The following MTFR1 variants were observed in gnomAD, a reference collection of about 807,000 sequenced individuals.
The protein encoded by MTFR1 is chondrocyte protein with a poly-proline region.
In MTFR1, 28 loss-of-function variants were observed where a neutral mutation model predicts 38.8. That is an observed-to-expected ratio of 0.72 (90% CI 0.53 to 0.99). MTFR1 has a LOEUF of 0.99. Among genes scored for constraint, MTFR1 ranks in the 50% least tolerant of loss-of-function variants. The pLI, the probability that MTFR1 is intolerant of heterozygous loss-of-function variation, is 0.00. For missense variants in MTFR1, 358 were observed against 395.5 expected (o/e 0.91, Z 0.81); for synonymous variants, 145 against 137.0 (o/e 1.06, Z -0.41).
chr8:65,649,489 T>G (rs1002725290), intron 1 of MTFR1, among the ~76,000 whole-genome samples: 2 of 152,120 alleles, frequency 1.3e-5, no homozygotes, highest in African/African-American at 4.8e-5. Flanking sequence ...TGGCCCATTT[T>G]ATCTTTATTT....
chr8:65,662,743 C>T (rs1285570305), intron 1 of MTFR1, among the ~76,000 whole-genome samples: 2 of 137,312 alleles, frequency 1.5e-5, no homozygotes, highest in Non-Finnish European at 3.3e-5. Context: ...CCCCTCCGCC[C>T]GGCAGCCACC....
At chr8:65,702,122 A>G (rs1369522445) in intron 4 of MTFR1, among the ~76,000 whole-genome samples, 1 of 152,110 alleles carries the variant, frequency 6.6e-6, no homozygotes, top group East Asian at 1.9e-4. Context: ...AGGGAATCCC[A>G]CTAGTTTTCT....
At chr8:65,663,822 C>CTTTTTTTTTTT (rs1035579864) in intron 1 of MTFR1, among the ~76,000 whole-genome samples, 1 of 78,574 alleles carries the variant, frequency 1.3e-5, no homozygotes, top group African/African-American at 4.7e-5. Flanking sequence ...AATTTCTTTT[C>CTTTTTTTTTTT]TTTTTTTTTT....
At chr8:65,774,503 T>G (rs1381857361), downstream of MTFR1, among the ~76,000 whole-genome samples, 1 of 152,054 alleles carries the variant, frequency 6.6e-6, no homozygotes, top group African/African-American at 2.4e-5. Flanking sequence ...TCTAACATAT[T>G]GGTTCTCAGG....
chr8:65,707,808 G>T (rs1468963627), intron 6 of MTFR1, 35 bp from the exon 7 acceptor site: 1 of 1,605,678 alleles, frequency 6.2e-7, no homozygotes, highest in Non-Finnish European at 8.5e-7. Flanking sequence ...CCAGTGTATT[G>T]ATCTGTCCCC....
chr8:65,730,329 C>A (rs990325186), intron 3 of MTFR1, among the ~76,000 whole-genome samples: 1 of 151,084 alleles, frequency 6.6e-6, no homozygotes, highest in Non-Finnish European at 1.5e-5. Context: ...TACAGGCATG[C>A]GCCACCACAA....
rs374513959 is a variant in MTFR1, at chr8:65,697,223, T to C, written c.281+3464T>C. Among the ~76,000 whole-genome samples the C allele has an allele frequency of 4.0e-5, 6 of 151,232 alleles. No individual in the cohort carries two copies. The South Asian group carries it at 6.3e-4, about 16-fold the overall frequency. On this transcript the variant is annotated intron_variant, in intron 4 of 7. Coordinates refer to ENST00000262146, the MANE Select transcript of MTFR1 (RefSeq NM_014637.4). ...TAGTCTCGAACTCCTGACCTCAGGT[T>C]ATCTGCCTGCCTCAGCCTCCCTAAG...
chr8:65,727,406 C>A, intron 3 of MTFR1: 2 of 1,501,266 alleles, frequency 1.3e-6, no homozygotes, highest in Non-Finnish European at 1.8e-6. Flanking sequence ...TGGTAATCTC[C>A]TCCCCCTTCA....
intron 1 of MTFR1, among the ~76,000 whole-genome samples, chr8:65,668,388 A>G (rs1346859455): frequency 1.4e-5 from 2 of 145,278 alleles, no homozygotes; most frequent in Non-Finnish European, 3.0e-5. Context: ...GGATTTTACT[A>G]TGTTGGCCAG....
At chr8:65,730,580 G>GA (rs1806840475) in intron 3 of MTFR1, among the ~76,000 whole-genome samples, 1 of 152,124 alleles carries the variant, frequency 6.6e-6, no homozygotes, top group South Asian at 2.1e-4. Context: ...TGTCTTCCGT[G>GA]AAACTGGTCC....
chr8:65,660,527 C>T (rs1318424427), intron 1 of MTFR1, among the ~76,000 whole-genome samples: 7 of 152,164 alleles, frequency 4.6e-5, no homozygotes, highest in Non-Finnish European at 1.0e-4. Flanking sequence ...AATTTGTACT[C>T]AGCTTGAGCT....
chr8:65,717,320 T>C (rs1806179789), intron 2 of MTFR1, among the ~76,000 whole-genome samples: 1 of 152,250 alleles, frequency 6.6e-6, no homozygotes, highest in African/African-American at 2.4e-5. Flanking sequence ...ACAACTGATA[T>C]CAATCAAGTA....
intron 3 of MTFR1, among the ~76,000 whole-genome samples, chr8:65,746,433 T>C (rs1231156936): frequency 6.6e-6 from 1 of 152,194 alleles, no homozygotes; most frequent in Non-Finnish European, 1.5e-5. Flanking sequence ...CTTATGGATA[T>C]GTATTTATAT....
At chr8:65,678,300 A>G (rs1005940618) in intron 2 of MTFR1, among the ~76,000 whole-genome samples, 2 of 152,184 alleles carry the variant, frequency 1.3e-5, no homozygotes, top group Admixed American at 1.3e-4. Context: ...CTGAATAGAA[A>G]AAAATAGAAA....
chr8:65,715,580 G>A (rs1004341990), intron 2 of MTFR1, among the ~76,000 whole-genome samples: 4 of 151,136 alleles, frequency 2.6e-5, no homozygotes, highest in Non-Finnish European at 5.9e-5. Context: ...GTTTCACCAT[G>A]TTGGCCAGAC....
At chr8:65,674,868 C>T (rs1211773118) in intron 2 of MTFR1, among the ~76,000 whole-genome samples, 1 of 152,166 alleles carries the variant, frequency 6.6e-6, no homozygotes, top group Non-Finnish European at 1.5e-5. Context: ...GAGTGTTTAA[C>T]TGCCTTGAAC....
chr8:65,660,880 T>C (rs975830892), intron 1 of MTFR1, among the ~76,000 whole-genome samples: 6 of 152,200 alleles, frequency 3.9e-5, no homozygotes, highest in Non-Finnish European at 7.3e-5. Flanking sequence ...AATGGAATGT[T>C]ATTCCACACT....
Position 65,754,347 on chromosome 8 carries a change from C to T in MTFR1, c.*49-16600C>T, listed in dbSNP as rs1808115007. 2.0e-5 allele frequency among the ~76,000 whole-genome samples: 3 copies of T among 152,076 alleles called. No individual in the cohort carries two copies. In the South Asian group the frequency reaches 6.2e-4, roughly 31 times the overall value. The stretch of plus-strand genomic sequence containing the variant: ...CTCACAGACACACCCAGGATCAATA[C>T]TTTGCATCCTTCAATCCAATCAAGT... On this transcript the variant is annotated intron_variant, in intron 3 of 3. Transcript: ENST00000521247.
chr8:65,651,389 G>A (rs1809119413), intron 1 of MTFR1, among the ~76,000 whole-genome samples: 1 of 152,176 alleles, frequency 6.6e-6, no homozygotes, highest in African/African-American at 2.4e-5. Context: ...CCAATGTCCT[G>A]GAGAGTTTCC....
Sources: gnomAD v4.1 joint callset for allele counts (sites outside exome capture counted in the v4.1 genomes callset) on GRCh38, gnomAD v4.1.1 for gene constraint, MANE v1.5 for transcripts, NCBI Gene and HGNC (gene_info 2026-07-23, HGNC 2026-07-21) for gene names.